Variants in GOLM2 observed in about 807,000 individuals in gnomAD.
The protein encoded by GOLM2 is golgi membrane protein 2, also known as protein GOLM2.
A neutral mutation model predicts 55.9 loss-of-function variants in GOLM2; 26 were observed. The ratio of observed to expected loss-of-function variants is 0.47; its 90% CI spans 0.34 to 0.65. The LOEUF (loss-of-function observed/expected upper bound fraction) is 0.65. Among genes scored for constraint, GOLM2 ranks in the 30% least tolerant of loss-of-function variants. The pLI is 0.01. For missense variants in GOLM2, 486 were observed against 531.8 expected (o/e 0.91, Z 0.85); for synonymous variants, 165 against 194.6 (o/e 0.85, Z 1.27).
At chr15:44,321,163 T>C (rs976680128) in intron 1 of GOLM2, among the ~76,000 whole-genome samples, 1 of 151,434 alleles carries the variant, frequency 6.6e-6, no homozygotes, top group East Asian at 1.9e-4. Flanking sequence ...GGACTGGGGG[T>C]TGGGGGTGAC....
rs751124228 is a variant in GOLM2 at position 44,356,111 on chromosome 15, T to A, written c.802+17794T>A. Among the ~76,000 whole-genome samples the A allele has an allele frequency of 4.0e-4, 60 of 151,708 alleles. 1 individual carries two copies. The highest frequency in any genetic ancestry group is 9.7e-5 in the African/African-American group (4 of 41,264). On this transcript the variant is annotated intron_variant, in intron 6 of 9. Transcript: ENST00000299957. ...TTAGAGGGAAATGTATAGCAGTGAA[T>A]GCATATGTTAGAAAAGTAGAAAGGT... is the stretch of plus-strand genomic sequence containing the variant.
Position 44,413,560 on chromosome 15 carries a change from A to G in GOLM2, c.*154A>G. 1 of 547,816 alleles carries G rather than the reference A, an allele frequency of 1.8e-6. No homozygotes were observed. 33.9% of individuals were successfully genotyped at this position (547,816 alleles called of 1,614,324 possible). ...AAAACTTTAATGAAGGAATGTACCCATGTACATATGTGAACTTTTTCATAT... is the reference window on the plus strand; with the variant it reads ...AAAACTTTAATGAAGGAATGTACCCGTGTACATATGTGAACTTTTTCATAT... On this transcript the variant is annotated 3_prime_UTR_variant, in exon 10 of 10. Coordinates refer to ENST00000299957, the MANE Select transcript of GOLM2 (RefSeq NM_138423.4).
At chr15:44,345,841 T>G (rs1000613723) in intron 6 of GOLM2, 1 of 152,132 alleles carries the variant, frequency 6.6e-6, no homozygotes, top group Non-Finnish European at 1.5e-5. Flanking sequence ...GGTTCTTATT[T>G]TTCTTTATTT....
chr15:44,337,670 A>G lies in GOLM2; in HGVS notation c.577-93A>G, dbSNP rs975337010. On this transcript the variant is annotated intron_variant, in intron 4 of 9. Coordinates refer to ENST00000299957, the MANE Select transcript of GOLM2 (RefSeq NM_138423.4). ...TTTGAACCCATGGTATATGTTTTAC[A>G]AGATGAACTGTTTCAGAACATTTAA... The G allele has an allele frequency of 3.4e-6, 3 of 874,624 alleles. No individual in the cohort carries two copies. The African/African-American group carries it at 5.3e-5, about 16-fold the overall frequency. The allele number at this position is 874,624 out of a possible 1,614,324, so 54.2% of individuals were successfully genotyped here.
At chr15:44,364,245 T>C (rs1256358219) in intron 6 of GOLM2, among the ~76,000 whole-genome samples, 1 of 151,886 alleles carries the variant, frequency 6.6e-6, no homozygotes, top group Non-Finnish European at 1.5e-5. Flanking sequence ...GAAAACAAGC[T>C]CGGTATGGTG....
intron 1 of GOLM2, among the ~76,000 whole-genome samples, chr15:44,309,274 T>G (rs2078858201): frequency 1.3e-5 from 2 of 152,136 alleles, no homozygotes; most frequent in Non-Finnish European, 2.9e-5. Context: ...GCAATCCCAC[T>G]TCTGAGCATA....
intron 6 of GOLM2, among the ~76,000 whole-genome samples, chr15:44,352,092 T>C (rs2079168616): frequency 6.6e-6 from 1 of 151,928 alleles, no homozygotes; most frequent in African/African-American, 2.4e-5. Flanking sequence ...TATGAAATCA[T>C]AAAAGGCCTA....
At chr15:44,290,612 A>T (rs1381613103) in intron 1 of GOLM2, among the ~76,000 whole-genome samples, 1 of 152,198 alleles carries the variant, frequency 6.6e-6, no homozygotes, top group East Asian at 1.9e-4. Flanking sequence ...AAAGACTGAA[A>T]AACTCTCGGG....
chr15:44,365,425 G>A (rs933619996), intron 6 of GOLM2, among the ~76,000 whole-genome samples: 10 of 152,174 alleles, frequency 6.6e-5, no homozygotes, highest in African/African-American at 1.9e-4. Context: ...TACCCAGGAC[G>A]CTGAGGTGAG....
chr15:44,290,313 C>A (rs748210068), intron 1 of GOLM2, among the ~76,000 whole-genome samples: 1 of 152,174 alleles, frequency 6.6e-6, no homozygotes, highest in Non-Finnish European at 1.5e-5. Flanking sequence ...AGATGCCTTT[C>A]TATACACTTC....
At chr15:44,346,884 C>T (rs2079128490) in intron 6 of GOLM2, among the ~76,000 whole-genome samples, 1 of 152,030 alleles carries the variant, frequency 6.6e-6, no homozygotes, top group Non-Finnish European at 1.5e-5. Flanking sequence ...AATCCCAACA[C>T]TTTGGGAAGC....
intron 6 of GOLM2, among the ~76,000 whole-genome samples, chr15:44,346,987 A>G (rs1473228717): frequency 2.0e-5 from 3 of 151,968 alleles, no homozygotes; most frequent in African/African-American, 7.3e-5. Context: ...GGCTAGGCAT[A>G]GTGGCACACA....
At chr15:44,309,669 A>T (rs78362872) in intron 1 of GOLM2, among the ~76,000 whole-genome samples, 1,693 of 152,324 alleles carry the variant, frequency 0.011, 38 homozygotes, top group African/African-American at 0.039. Context: ...ATGTTTATTA[A>T]GCCCTTACCA....
At chr15:44,365,243 A>G (rs1389284365) in intron 6 of GOLM2, among the ~76,000 whole-genome samples, 1 of 152,164 alleles carries the variant, frequency 6.6e-6, no homozygotes, top group Non-Finnish European at 1.5e-5. Context: ...AGACTTGGAG[A>G]AAGCTGGGTG....
At chr15:44,350,306 G>GCAGAAATT (rs2079153119) in intron 6 of GOLM2, among the ~76,000 whole-genome samples, 1 of 152,138 alleles carries the variant, frequency 6.6e-6, no homozygotes, top group African/African-American at 2.4e-5. Context: ...AATAGATACT[G>GCAGAAATT]CAGAAATTCA....
chr15:44,409,177 G>C (rs1236144834), intron 9 of GOLM2, among the ~76,000 whole-genome samples: 1 of 151,274 alleles, frequency 6.6e-6, no homozygotes, highest in African/African-American at 2.4e-5. Flanking sequence ...CCAGCTACTC[G>C]GGAGGCTGAG....
chr15:44,291,776 G>A (rs2078722260), intron 1 of GOLM2, among the ~76,000 whole-genome samples: 1 of 152,098 alleles, frequency 6.6e-6, no homozygotes, highest in South Asian at 2.1e-4. Context: ...TCTCCCATAA[G>A]AGCAGTATTC....
intron 9 of GOLM2, among the ~76,000 whole-genome samples, chr15:44,409,188 G>C (rs1439563228): frequency 2.6e-5 from 4 of 151,264 alleles, no homozygotes; most frequent in Non-Finnish European, 5.9e-5. Context: ...GGAGGCTGAG[G>C]CAGGAGAATG....
intron 1 of GOLM2, among the ~76,000 whole-genome samples, chr15:44,317,059 GAGAC>G (rs1455564110): frequency 1.3e-5 from 2 of 152,126 alleles, no homozygotes; most frequent in Non-Finnish European, 2.9e-5. Flanking sequence ...GAATATGAAA[GAGAC>G]AGTTCAGGGA....
Sources: allele counts gnomAD v4.1 joint callset (sites outside exome capture counted in the v4.1 genomes callset), GRCh38; gene constraint gnomAD v4.1.1; transcripts MANE v1.5; gene names NCBI Gene and HGNC (gene_info 2026-07-23, HGNC 2026-07-21).